Variants in ELP4 observed in about 807,000 individuals in gnomAD.
ELP4 encodes elongator complex protein 4.
In ELP4, 51 loss-of-function variants were observed where a neutral mutation model predicts 48.9. The observed-to-expected ratio is 1.04, with a 90% CI of 0.83 to 1.32. The LOEUF (loss-of-function observed/expected upper bound fraction) is 1.32. ELP4 is among the 40% of genes most tolerant of loss of function. The pLI is 0.00. For missense variants in ELP4, 519 were observed against 514.6 expected, an observed-to-expected ratio of 1.01 and a Z score of -0.08; for synonymous variants, 210 against 189.2, an observed-to-expected ratio of 1.11 and a Z score of -0.90.
chr11:31,622,965 G>T (rs1289489452), intron 5 of ELP4, among the ~76,000 whole-genome samples: 1 of 151,348 alleles, frequency 6.6e-6, no homozygotes, highest in African/African-American at 2.4e-5. Context: ...TCTAGTAATT[G>T]TCTTTATGTT....
chr11:31,553,130 T>C (rs1182287224), intron 3 of ELP4, among the ~76,000 whole-genome samples: 1 of 152,208 alleles, frequency 6.6e-6, no homozygotes, highest in Non-Finnish European at 1.5e-5. Flanking sequence ...CTGATATGCT[T>C]TATAATTTAC....
intron 1 of ELP4, among the ~76,000 whole-genome samples, chr11:31,513,767 T>C (rs930702803): frequency 3.9e-5 from 6 of 152,198 alleles, no homozygotes; most frequent in African/African-American, 9.6e-5. Context: ...ACTGCATGAA[T>C]TGAAATAACA....
chr11:31,629,979 A>AG (rs1944825250), intron 6 of ELP4, among the ~76,000 whole-genome samples: 2 of 152,108 alleles, frequency 1.3e-5, no homozygotes, highest in Non-Finnish European at 2.9e-5. Flanking sequence ...TTCACCAGAA[A>AG]TGTATTTATA....
At chr11:31,548,081 C>T (rs1290777634) in intron 3 of ELP4, among the ~76,000 whole-genome samples, 3 of 152,250 alleles carry the variant, frequency 2.0e-5, no homozygotes, top group Non-Finnish European at 2.9e-5. Flanking sequence ...GGGCACAAGA[C>T]AGGGATGCCC....
rs941305198 is a variant in ELP4, at chr11:31,545,882, T to C, written c.381+6099T>C. Among the ~76,000 whole-genome samples the C allele has an allele frequency of 9.3e-4, 142 of 151,990 alleles. 1 individual carries two copies. Among genetic ancestry groups the C allele is most frequent in the Non-Finnish European group, 1.7e-3 (117 of 67,952 alleles). On this transcript the variant is annotated intron_variant, in intron 3 of 9. Transcript: ENST00000640961. ...ACCCAGAATTTCATATCCAGCCAAATGAAGCTTCATAAGTGAAGGAGAAAT... is the reference window on the plus strand; with the variant it reads ...ACCCAGAATTTCATATCCAGCCAAACGAAGCTTCATAAGTGAAGGAGAAAT...
intron 2 of ELP4, among the ~76,000 whole-genome samples, chr11:31,533,718 T>C (rs1271403932): frequency 6.6e-6 from 1 of 151,964 alleles, no homozygotes; most frequent in Non-Finnish European, 1.5e-5. Context: ...AATGAGATCA[T>C]CAGGTTTGCA....
chr11:31,547,567 A>G (rs955480379), intron 3 of ELP4, among the ~76,000 whole-genome samples: 2 of 152,130 alleles, frequency 1.3e-5, no homozygotes, highest in Non-Finnish European at 2.9e-5. Flanking sequence ...ACAAGGAGGA[A>G]CTGGTACCAT....
chr11:31,736,378 A>C (rs1266077552), intron 9 of ELP4, among the ~76,000 whole-genome samples: 1 of 152,206 alleles, frequency 6.6e-6, no homozygotes, highest in African/African-American at 2.4e-5. Flanking sequence ...AAACCCTAGA[A>C]AAAAACCTAG....
At chr11:31,553,614 A>G (rs954279280) in intron 3 of ELP4, among the ~76,000 whole-genome samples, 7 of 151,956 alleles carry the variant, frequency 4.6e-5, no homozygotes, top group African/African-American at 1.5e-4. Context: ...GAACTACACT[A>G]TTAACTGTCC....
chr11:31,724,208 C>T (rs1947026867), intron 9 of ELP4, among the ~76,000 whole-genome samples: 1 of 152,064 alleles, frequency 6.6e-6, no homozygotes, highest in Non-Finnish European at 1.5e-5. Flanking sequence ...TGCTTAGGCC[C>T]CTCTAGAAGA....
In ELP4 at chr11:31,650,178, A is replaced by G; in HGVS notation, c.1100A>G (p.Lys367Arg). ...TTGATCTGTGATGAATCAGATGTCA[A>G]AGACTTAGCTTTTAAATTAAAAAGG... ...NNLICDESDV[K>R]DLAFKLKRKL... The change falls in exon 9 of 10, where the codon AAA becomes AGA. Residue 367 changes from lysine (K) to arginine (R), a missense_variant. By Grantham distance (26) the Lys-to-Arg change is conservative (BLOSUM62 2). Coordinates refer to ENST00000640961, the MANE Select transcript of ELP4 (RefSeq NM_019040.5). The G allele has an allele frequency of 6.6e-7, 1 of 1,521,458 alleles. No homozygotes were observed. Among genetic ancestry groups the G allele is most frequent in the Non-Finnish European group, 9.1e-7 (1 of 1,103,924 alleles). 94.2% of individuals were successfully genotyped at this position (1,521,458 alleles called of 1,614,324 possible).
At chr11:31,742,134 G>A (rs1404360861) in intron 9 of ELP4, among the ~76,000 whole-genome samples, 3 of 152,240 alleles carry the variant, frequency 2.0e-5, no homozygotes, top group African/African-American at 4.8e-5. Context: ...TTAACTGGAA[G>A]AAAGGGTATC....
intron 9 of ELP4, among the ~76,000 whole-genome samples, chr11:31,735,873 T>C (rs903898527): frequency 2.0e-5 from 3 of 152,122 alleles, no homozygotes; most frequent in African/African-American, 7.2e-5. Flanking sequence ...GTAGGAAGAA[T>C]CAATATCGTG....
chr11:31,644,782 G>A (rs1945168740), intron 7 of ELP4, among the ~76,000 whole-genome samples: 1 of 151,696 alleles, frequency 6.6e-6, no homozygotes, highest in South Asian at 2.1e-4. Context: ...AGGTGCAGAA[G>A]TAATCTATAA....
rs1948994678 is a variant in ELP4 at position 31,789,085 on chromosome 11, A to G, written c.*5561A>G. The G allele has an allele frequency of 4.9e-6, 1 of 203,020 alleles. No homozygotes were observed. Among genetic ancestry groups the G allele is most frequent in the African/African-American group, 2.3e-5 (1 of 43,836 alleles). The allele number at this position is 203,020 out of a possible 1,614,324, so 12.6% of individuals were successfully genotyped here. ...GAATGAACTCTAGATGCACAAAATG[A>G]TTGGACCGTGAACAGTAATACAACT... is the stretch of plus-strand genomic sequence containing the variant. On this transcript the variant is annotated 3_prime_UTR_variant, in exon 10 of 10. Coordinates refer to ENST00000640961, the MANE Select transcript of ELP4 (RefSeq NM_019040.5).
intron 3 of ELP4, among the ~76,000 whole-genome samples, chr11:31,583,008 T>C (rs919318820): frequency 6.6e-6 from 1 of 152,176 alleles, no homozygotes; most frequent in African/African-American, 2.4e-5. Flanking sequence ...TCAGCAGTGC[T>C]CCAGCTTCTG....
At chr11:31,578,872 G>C (rs1156316626) in intron 3 of ELP4, among the ~76,000 whole-genome samples, 1 of 152,198 alleles carries the variant, frequency 6.6e-6, no homozygotes, top group African/African-American at 2.4e-5. Flanking sequence ...TCAGGACATA[G>C]GCATGGGCAA....
chr11:31,557,979 G>A (rs912905790), intron 3 of ELP4, among the ~76,000 whole-genome samples: 10 of 151,838 alleles, frequency 6.6e-5, no homozygotes, highest in African/African-American at 2.4e-4. Flanking sequence ...ACAACTATTA[G>A]GAGAGTCCTT....
chr11:31,624,392 A>G (rs930531582), intron 5 of ELP4, among the ~76,000 whole-genome samples: 4 of 151,726 alleles, frequency 2.6e-5, no homozygotes, highest in Non-Finnish European at 4.4e-5. Context: ...TAATACAAGT[A>G]TTTGTGTTTC....
Sources: gnomAD v4.1 joint callset for allele counts (sites outside exome capture counted in the v4.1 genomes callset) on GRCh38, gnomAD v4.1.1 for gene constraint, MANE v1.5 for transcripts, NCBI Gene and HGNC (gene_info 2026-07-23, HGNC 2026-07-21) for gene names.